CHL1: variants seen among roughly 807,000 people sequenced by gnomAD.
CHL1 encodes the protein cell adhesion molecule L1 like, also known as neural cell adhesion molecule L1-like protein.
Under a neutral mutation model 141.9 loss-of-function variants are expected in CHL1, and 96 were observed. The observed-to-expected ratio is 0.68, with a 90% CI of 0.57 to 0.80. CHL1 has a LOEUF of 0.80. Among genes scored for constraint, CHL1 ranks in the 30% least tolerant of loss-of-function variants. The probability of loss-of-function intolerance (pLI) is 0.00; values close to 1 mark genes in which losing one functional copy is unlikely to be tolerated. For synonymous variants in CHL1, 613 were observed against 502.2 expected (o/e 1.22, Z -2.95); for missense variants, 1,820 against 1,457.2 (o/e 1.25, Z -4.05).
chr3:197,453 C>T (rs942225832), intron 1 of CHL1: 3 of 163,792 alleles, frequency 1.8e-5, no homozygotes, highest in Non-Finnish European at 4.0e-5. Flanking sequence ...CCGTAGATCT[C>T]CGCCCTCTCT....
At chr3:324,933 A>G (rs1045511028) in intron 3 of CHL1, among the ~76,000 whole-genome samples, 10 of 152,076 alleles carry the variant, frequency 6.6e-5, no homozygotes, top group East Asian at 1.9e-4. Context: ...TAGATTACTT[A>G]TCAAACACTA....
chr3:357,636 C>T (rs1703835025), intron 11 of CHL1, among the ~76,000 whole-genome samples: 1 of 152,180 alleles, frequency 6.6e-6, no homozygotes, highest in Non-Finnish European at 1.5e-5. Context: ...GAAAGAATTT[C>T]TGAAGTATGT....
intron 2 of CHL1, among the ~76,000 whole-genome samples, chr3:249,651 G>A (rs1308826017): frequency 1.3e-5 from 2 of 152,240 alleles, no homozygotes; most frequent in East Asian, 1.9e-4. Flanking sequence ...CCCTTCAAAT[G>A]CATACATTAA....
At chr3:398,782 G>A (rs1264282887) in intron 25 of CHL1, among the ~76,000 whole-genome samples, 1 of 151,924 alleles carries the variant, frequency 6.6e-6, no homozygotes, top group Non-Finnish European at 1.5e-5. Context: ...TCCTTCTTTG[G>A]TTTTTCATCC....
At chr3:361,912 A>G in intron 13 of CHL1, 102 bp downstream of exon 13, 1 of 802,526 alleles carries the variant, frequency 1.2e-6, no homozygotes, top group Non-Finnish European at 2.1e-6. Flanking sequence ...CTATATTGTT[A>G]CATGTACCCA....
chr3:211,735 G>T (rs1699920739), intron 1 of CHL1, among the ~76,000 whole-genome samples: 1 of 152,106 alleles, frequency 6.6e-6, no homozygotes, highest in Non-Finnish European at 1.5e-5. Context: ...CACTTCAACA[G>T]GCAAAATGCG....
intron 10 of CHL1, among the ~76,000 whole-genome samples, chr3:352,847 G>C (rs1020466104): frequency 6.6e-6 from 1 of 152,172 alleles, no homozygotes; most frequent in Non-Finnish European, 1.5e-5. Flanking sequence ...GGGGAGCTTG[G>C]ATTTGGAAGC....
intron 11 of CHL1, among the ~76,000 whole-genome samples, chr3:356,542 T>A (rs1559302051): frequency 6.6e-6 from 1 of 152,174 alleles, no homozygotes; most frequent in Non-Finnish European, 1.5e-5. Flanking sequence ...TATGGTGTGA[T>A]AAAGCAGAAA....
chr3:291,095 G>C (rs180755566), intron 2 of CHL1, among the ~76,000 whole-genome samples: 199 of 151,850 alleles, frequency 1.3e-3, no homozygotes, highest in Non-Finnish European at 2.4e-3. Context: ...GGACTTTTTT[G>C]CTGTAAACCA....
chr3:294,567 T>A (rs1439991431), intron 2 of CHL1, among the ~76,000 whole-genome samples: 1 of 152,236 alleles, frequency 6.6e-6, no homozygotes, highest in East Asian at 1.9e-4. Flanking sequence ...TCTTATCATT[T>A]TCTTTTTTTC....
chr3:250,527 A>G (rs1290022961), intron 2 of CHL1, among the ~76,000 whole-genome samples: 1 of 152,100 alleles, frequency 6.6e-6, no homozygotes, highest in Admixed American at 6.6e-5. Flanking sequence ...TTCTATCTCC[A>G]GTGATAGTGG....
intron 11 of CHL1, among the ~76,000 whole-genome samples, chr3:356,617 A>G (rs1159624573): frequency 6.6e-6 from 1 of 152,180 alleles, no homozygotes; most frequent in Non-Finnish European, 1.5e-5. Context: ...TAAGATCATA[A>G]TAGTAAGACC....
intron 1 of CHL1, among the ~76,000 whole-genome samples, chr3:229,021 C>T (rs1285499508): frequency 1.3e-5 from 2 of 152,130 alleles, no homozygotes; most frequent in Non-Finnish European, 2.9e-5. Flanking sequence ...TTATCAGCAG[C>T]CCTGCGGTGT....
chr3:202,910 G>A (rs535769806), intron 1 of CHL1, among the ~76,000 whole-genome samples: 22 of 152,302 alleles, frequency 1.4e-4, no homozygotes, highest in African/African-American at 5.3e-4. Context: ...GAATGTGAAT[G>A]GAGTGAGCTA....
intron 3 of CHL1, among the ~76,000 whole-genome samples, chr3:324,919 C>T (rs1336318985): frequency 6.6e-6 from 1 of 151,790 alleles, no homozygotes; most frequent in Non-Finnish European, 1.5e-5. Context: ...TTGTGTTTGT[C>T]TTGTAGATTA....
At chr3:393,246 A>AAAAAAAAG in intron 23 of CHL1, among the ~76,000 whole-genome samples, 1 of 151,282 alleles carries the variant, frequency 6.6e-6, no homozygotes. Context: ...AAAAAAAAAA[A>AAAAAAAAG]AGTGTTAAGA....
intron 2 of CHL1, among the ~76,000 whole-genome samples, chr3:272,760 A>T (rs536133259): frequency 8.5e-5 from 13 of 152,328 alleles, no homozygotes; most frequent in Admixed American, 7.8e-4. Context: ...ACTCCTTGGC[A>T]CTTGCTCCCA....
intron 19 of CHL1, among the ~76,000 whole-genome samples, chr3:386,927 G>T (rs573006941): frequency 1.3e-5 from 2 of 152,150 alleles, no homozygotes; most frequent in Non-Finnish European, 2.9e-5. Context: ...AGTATATGAA[G>T]TAACATATAT....
intron 1 of CHL1, among the ~76,000 whole-genome samples, chr3:231,195 A>G (rs1172235787): frequency 1.3e-5 from 2 of 152,208 alleles, no homozygotes; most frequent in African/African-American, 4.8e-5. Context: ...GAGGAGAAAG[A>G]CAATGCATAC....
Sources: allele counts gnomAD v4.1 joint callset (sites outside exome capture counted in the v4.1 genomes callset), GRCh38; gene constraint gnomAD v4.1.1; transcripts MANE v1.5; gene names NCBI Gene and HGNC (gene_info 2026-07-23, HGNC 2026-07-21).